The following DTNA variants were observed in gnomAD, a reference collection of about 807,000 sequenced individuals.
DTNA encodes the protein dystrobrevin alpha, also known as dystrophin-related protein 3.
DTNA carries 43 observed loss-of-function variants against 100.7 expected under a neutral mutation model. That is an observed-to-expected ratio of 0.43 (90% CI 0.33 to 0.55). The LOEUF (loss-of-function observed/expected upper bound fraction) is 0.55. Among genes scored for constraint, DTNA ranks in the 20% least tolerant of loss-of-function variants. DTNA has a pLI of 0.04. For missense variants in DTNA, 798 were observed against 953.9 expected, an observed-to-expected ratio of 0.84 and a Z score of 2.15; for synonymous variants, 349 against 347.9, an observed-to-expected ratio of 1.00 and a Z score of -0.04.
At chr18:34,738,071 T>C (rs371035111) in intron 1 of DTNA, among the ~76,000 whole-genome samples, 3 of 152,178 alleles carry the variant, frequency 2.0e-5, no homozygotes, top group East Asian at 1.9e-4. Context: ...TTAGGATATC[T>C]ATGAAGAGAA....
chr18:34,565,656 GA>G, intron 1 of DTNA, among the ~76,000 whole-genome samples: 1 of 152,076 alleles, frequency 6.6e-6, no homozygotes, highest in Admixed American at 6.5e-5. Context: ...TCCTCTACAT[GA>G]CTTTCTTTGT....
chr18:34,832,104 AC>A (rs200283118), intron 11 of DTNA, among the ~76,000 whole-genome samples: 1,962 of 152,320 alleles, frequency 0.013, 20 homozygotes, highest in Middle Eastern at 0.044. Context: ...AATTTTGGAT[AC>A]TGATTGTAGC....
At chr18:34,646,052 T>TGCAA (rs2059801333) in intron 1 of DTNA, among the ~76,000 whole-genome samples, 1 of 152,198 alleles carries the variant, frequency 6.6e-6, no homozygotes, top group African/African-American at 2.4e-5. Context: ...TAGCTGGTAT[T>TGCAA]CTTTTTATGG....
chr18:34,679,478 T>C (rs1190027597), intron 1 of DTNA: 1 of 152,210 alleles, frequency 6.6e-6, no homozygotes, highest in Non-Finnish European at 1.5e-5. Context: ...ATAAATAGGA[T>C]TTACCAATCC....
intron 1 of DTNA, among the ~76,000 whole-genome samples, chr18:34,609,759 GTT>G (rs914860953): frequency 9.2e-5 from 14 of 152,106 alleles, no homozygotes; most frequent in Admixed American, 8.5e-4. Flanking sequence ...ACTGTCTAGT[GTT>G]CTACTGTTTC....
At chr18:34,699,769 G>C (rs1006646705) in intron 1 of DTNA, among the ~76,000 whole-genome samples, 1 of 152,106 alleles carries the variant, frequency 6.6e-6, no homozygotes, top group Non-Finnish European at 1.5e-5. Flanking sequence ...TAATAAATCT[G>C]TTGCATTTCT....
Position 34,829,444 on chromosome 18 carries a change from A to G in DTNA, c.1130A>G (p.His377Arg), listed in dbSNP as rs1555842364. 6.5e-7 allele frequency: 1 copy of G among 1,534,684 alleles called. No individual in the cohort carries two copies. Among genetic ancestry groups the G allele is most frequent in the Non-Finnish European group, 8.7e-7 (1 of 1,146,218 alleles). The change falls in exon 11 of 23, where the codon CAT becomes CGT. Residue 377 changes from histidine (H) to arginine (R), a missense_variant. Physicochemically the swap from His to Arg is conservative, Grantham distance 29 (BLOSUM62 0). Transcript: ENST00000444659. The stretch of plus-strand genomic sequence containing the variant: ...GCATCCAGCCCTGTGGCTGAAGAGC[A>G]TTCCCTCATAAAGCTGTACGTAAAT... ...ISASSPVAEE[H>R]SLIKLYVNQL...
intron 1 of DTNA, among the ~76,000 whole-genome samples, chr18:34,696,874 G>C (rs1037637387): frequency 6.6e-6 from 1 of 152,118 alleles, no homozygotes; most frequent in Non-Finnish European, 1.5e-5. Flanking sequence ...CTGTTCAGAG[G>C]CCTGCCCACT....
At chr18:34,678,940 C>G (rs1386307382) in intron 1 of DTNA, among the ~76,000 whole-genome samples, 1 of 152,100 alleles carries the variant, frequency 6.6e-6, no homozygotes, top group East Asian at 1.9e-4. Context: ...TGTAGTCCAC[C>G]TTGTTGTAGT....
chr18:34,682,037 T>A (rs926817572), intron 1 of DTNA, among the ~76,000 whole-genome samples: 4 of 152,174 alleles, frequency 2.6e-5, no homozygotes, highest in Non-Finnish European at 5.9e-5. Context: ...TGTCATATAG[T>A]TGAAATCATA....
At chr18:34,668,103 G>A (rs1246900865) in intron 1 of DTNA, among the ~76,000 whole-genome samples, 1 of 152,092 alleles carries the variant, frequency 6.6e-6, no homozygotes, top group Non-Finnish European at 1.5e-5. Flanking sequence ...CAATTTCAGA[G>A]CCTGTTACTG....
upstream of DTNA, among the ~76,000 whole-genome samples, chr18:34,708,599 C>G (rs1414486499): frequency 6.6e-6 from 1 of 152,170 alleles, no homozygotes; most frequent in Non-Finnish European, 1.5e-5. Flanking sequence ...TTGGAGCAAG[C>G]AGCCCTTGCT....
intron 1 of DTNA, among the ~76,000 whole-genome samples, chr18:34,516,605 C>G (rs1035963644): frequency 6.6e-6 from 1 of 152,070 alleles, no homozygotes; most frequent in African/African-American, 2.4e-5. Context: ...GAGACCTCCC[C>G]CTAGGAACGC....
rs566320731 is a variant in DTNA, at chr18:34,794,481, A to G, written c.362+231A>G. The stretch of plus-strand genomic sequence containing the variant: ...GCCAGAGGAACTTGAGGACAATTGT[A>G]TTTTATGTGCTGACCTTTAGTTATC... On this transcript the variant is annotated intron_variant, in intron 4 of 22. Coordinates refer to ENST00000444659, the MANE Select transcript of DTNA (RefSeq NM_001386795.1). Among the ~76,000 whole-genome samples the G allele has an allele frequency of 2.8e-4, 42 of 152,212 alleles. 2 individuals carry two copies. In the South Asian group the frequency reaches 8.3e-3, roughly 30 times the overall value.
intron 1 of DTNA, among the ~76,000 whole-genome samples, chr18:34,745,025 T>C (rs1406114997): frequency 1.3e-5 from 2 of 152,146 alleles, no homozygotes; most frequent in East Asian, 1.9e-4. Context: ...ACCAACCTTA[T>C]GGTGTTCTTA....
chr18:34,867,024 A>C, intron 17 of DTNA: 31 of 1,223,916 alleles, frequency 2.5e-5, no homozygotes, highest in Non-Finnish European at 3.0e-5. Context: ...AATTAAATAG[A>C]AGCAAAATAA....
At chr18:34,829,208 T>C in intron 10 of DTNA, 192 bp from the exon 11 acceptor site, 1 of 1,568,674 alleles carries the variant, frequency 6.4e-7, no homozygotes, top group South Asian at 1.2e-5. Context: ...CATTTTGGAA[T>C]GTTCTCTGTG....
chr18:34,553,225 GT>G (rs1341698322), intron 1 of DTNA, among the ~76,000 whole-genome samples: 1 of 146,186 alleles, frequency 6.8e-6, no homozygotes, highest in Non-Finnish European at 1.6e-5. Context: ...TGATGGGGTT[GT>G]TTGTTTTTTT....
At chr18:34,783,971 T>G (rs1327206210) in intron 3 of DTNA, among the ~76,000 whole-genome samples, 3 of 152,250 alleles carry the variant, frequency 2.0e-5, no homozygotes, top group Non-Finnish European at 2.9e-5. Context: ...CTATTCTTCC[T>G]GTCTCTTGTC....
Sources: gnomAD v4.1 joint callset for allele counts (sites outside exome capture counted in the v4.1 genomes callset) on GRCh38, gnomAD v4.1.1 for gene constraint, MANE v1.5 for transcripts, NCBI Gene and HGNC (gene_info 2026-07-23, HGNC 2026-07-21) for gene names.